Variants in FMNL2 observed in about 807,000 individuals in gnomAD.
FMNL2 encodes the protein formin like 2.
In FMNL2, 51 loss-of-function variants were observed where a neutral mutation model predicts 130.2. That is an observed-to-expected ratio of 0.39 (90% CI 0.31 to 0.49). FMNL2 has a LOEUF of 0.49. Among genes scored for constraint, FMNL2 ranks in the 20% least tolerant of loss-of-function variants. FMNL2 has a pLI of 0.85. For missense variants in FMNL2, 977 were observed against 1,316.2 expected (o/e 0.74, Z 3.99); for synonymous variants, 465 against 467.1 (o/e 1.00, Z 0.06).
chr2:152,452,752 C>G (rs1382926833), intron 1 of FMNL2, among the ~76,000 whole-genome samples: 2 of 137,012 alleles, frequency 1.5e-5, no homozygotes, highest in Non-Finnish European at 3.4e-5. Flanking sequence ...CTTTGCATAC[C>G]TTTGTCGAGG....
intron 6 of FMNL2, among the ~76,000 whole-genome samples, chr2:152,567,314 T>C (rs961769048): frequency 2.6e-5 from 4 of 152,232 alleles, no homozygotes; most frequent in African/African-American, 7.2e-5. Flanking sequence ...TCAAAAAGTA[T>C]GCACTGAAAC....
chr2:152,450,920 C>A (rs1688604354), intron 1 of FMNL2, among the ~76,000 whole-genome samples: 1 of 152,242 alleles, frequency 6.6e-6, no homozygotes, highest in Non-Finnish European at 1.5e-5. Context: ...TTTGAAGGTT[C>A]TTCTGGGATG....
intron 2 of FMNL2, among the ~76,000 whole-genome samples, chr2:152,539,752 G>A (rs966651081): frequency 6.6e-6 from 1 of 152,106 alleles, no homozygotes; most frequent in Non-Finnish European, 1.5e-5. Flanking sequence ...CTTCTGAGTC[G>A]CCACAGTCCC....
chr2:152,403,733 C>A (rs1462848285), intron 1 of FMNL2, among the ~76,000 whole-genome samples: 1 of 152,100 alleles, frequency 6.6e-6, no homozygotes, highest in Non-Finnish European at 1.5e-5. Flanking sequence ...ACCTTTGTGA[C>A]CCTGTTGTCT....
intron 1 of FMNL2, among the ~76,000 whole-genome samples, chr2:152,442,064 G>A (rs1479807675): frequency 6.6e-6 from 1 of 151,810 alleles, no homozygotes; most frequent in Non-Finnish European, 1.5e-5. Context: ...TTGGTGAGGG[G>A]GGCCAGGGTG....
chr2:152,495,264 T>C (rs1307925951), intron 1 of FMNL2, among the ~76,000 whole-genome samples: 5 of 152,146 alleles, frequency 3.3e-5, no homozygotes, highest in African/African-American at 1.2e-4. Flanking sequence ...GGTACTTTCT[T>C]TGAAGTATTA....
intron 1 of FMNL2, among the ~76,000 whole-genome samples, chr2:152,364,259 G>GTTTTTTTTTTT (rs1163993397): frequency 1.2e-4 from 12 of 100,764 alleles, no homozygotes; most frequent in East Asian, 1.4e-3. Context: ...GGAGGTTTGT[G>GTTTTTTTTTTT]TGTTTTTTTT....
At chr2:152,632,190 G>A (rs1559026239) in intron 21 of FMNL2, 53 bp downstream of exon 21, 16 of 1,576,470 alleles carry the variant, frequency 1.0e-5, no homozygotes, top group Non-Finnish European at 1.4e-5. Context: ...GCCTTTAATT[G>A]TGGTGGAGCC....
intron 1 of FMNL2, among the ~76,000 whole-genome samples, chr2:152,362,302 A>G (rs1038325734): frequency 2.0e-5 from 3 of 152,216 alleles, no homozygotes; most frequent in African/African-American, 7.2e-5. Context: ...TATCAAGTAC[A>G]GTGTAAAGAG....
At position 152,501,326 on chromosome 2, in the gene FMNL2, A is replaced by G. The variant is rs576212139; in HGVS notation, c.118-20617A>G. ...TGACTCGGGGATAGGGTTAGCTTTT[A>G]CCTGCATTCAGTTGAACTTGAAGGA... On this transcript the variant is annotated intron_variant, in intron 1 of 25. Coordinates refer to ENST00000288670, the MANE Select transcript of FMNL2 (RefSeq NM_052905.4). Among the ~76,000 whole-genome samples, 9 of 152,342 alleles carry G rather than the reference A, an allele frequency of 5.9e-5. No individual in the cohort carries two copies. In the South Asian group the frequency reaches 1.9e-3, roughly 32 times the overall value.
rs79198497 is a variant in FMNL2, at chr2:152,482,840, A to T, written c.118-39103A>T. On this transcript the variant is annotated intron_variant, in intron 1 of 25. Transcript: ENST00000288670. ...ATACTGTCCCCGGTATTACTCTTTG[A>T]CATAATTATAAAACATCAAGTAAAC... 4.4e-3 allele frequency among the ~76,000 whole-genome samples: 664 copies of T among 152,264 alleles called. 2 individuals are homozygous for T. The highest frequency in any genetic ancestry group is 8.1e-3 in the Non-Finnish European group (554 of 68,026).
chr2:152,592,549 A>G (rs959836001), intron 9 of FMNL2, among the ~76,000 whole-genome samples: 1 of 152,224 alleles, frequency 6.6e-6, no homozygotes, highest in East Asian at 1.9e-4. Flanking sequence ...TAGTGTATTT[A>G]TGTCATGTAC....
At chr2:152,346,112 C>T (rs1203986790) in intron 1 of FMNL2, among the ~76,000 whole-genome samples, 2 of 152,088 alleles carry the variant, frequency 1.3e-5, no homozygotes, top group Non-Finnish European at 2.9e-5. Flanking sequence ...GCAACCTCCA[C>T]CTCCTGGGTT....
At chr2:152,463,447 G>A (rs1214278368) in intron 1 of FMNL2, among the ~76,000 whole-genome samples, 3 of 152,154 alleles carry the variant, frequency 2.0e-5, no homozygotes, top group African/African-American at 7.2e-5. Flanking sequence ...TTGCTTCAAA[G>A]CCTATGGTAT....
At position 152,648,019 on chromosome 2, in the gene FMNL2, G is replaced by A; in HGVS notation, c.*114G>A. The A allele has an allele frequency of 2.2e-6, 2 of 929,250 alleles. No homozygotes were observed. 57.6% of individuals were successfully genotyped at this position (929,250 alleles called of 1,614,324 possible). Reference sequence around the variant, plus strand: ...AACACACACAAAAATATTCTTAAGGGCTCAGATTTAGCAAACACGGAAGAA... The same window carrying A: ...AACACACACAAAAATATTCTTAAGGACTCAGATTTAGCAAACACGGAAGAA... On this transcript the variant is annotated 3_prime_UTR_variant, in exon 26 of 26. Coordinates refer to ENST00000288670, the MANE Select transcript of FMNL2 (RefSeq NM_052905.4).
chr2:152,587,862 G>GCTAGTT (rs1300140241), intron 9 of FMNL2, among the ~76,000 whole-genome samples: 2 of 152,232 alleles, frequency 1.3e-5, no homozygotes, highest in African/African-American at 4.8e-5. Context: ...AGCCTCCCAG[G>GCTAGTT]CTAGTTGAGG....
intron 6 of FMNL2, among the ~76,000 whole-genome samples, chr2:152,565,918 T>C (rs915153258): frequency 3.9e-5 from 6 of 152,246 alleles, no homozygotes; most frequent in Admixed American, 3.9e-4. Flanking sequence ...TAGTTGGGCC[T>C]ACAGGTGTGT....
At chr2:152,497,024 G>T (rs1358364107) in intron 1 of FMNL2, among the ~76,000 whole-genome samples, 1 of 151,960 alleles carries the variant, frequency 6.6e-6, no homozygotes, top group East Asian at 1.9e-4. Flanking sequence ...TGTGCTTATT[G>T]TTCCTAAGAT....
At position 152,403,878 on chromosome 2, in the gene FMNL2, G is replaced by C. The variant is rs79753713; in HGVS notation, c.117+68158G>C. Among the ~76,000 whole-genome samples, 48 of 152,300 alleles carry C rather than the reference G, an allele frequency of 3.2e-4. 1 individual carries two copies. The East Asian group carries it at 8.5e-3, about 27-fold the overall frequency. On this transcript the variant is annotated intron_variant, in intron 1 of 25. Transcript: ENST00000288670. ...AGGCCAAGAGATTGAGACCAACCTG[G>C]CCAACATGGTGAAACCCCCTCTCTA...
Sources: gnomAD v4.1 joint callset for allele counts (sites outside exome capture counted in the v4.1 genomes callset) on GRCh38, gnomAD v4.1.1 for gene constraint, MANE v1.5 for transcripts, NCBI Gene and HGNC (gene_info 2026-07-23, HGNC 2026-07-21) for gene names.